Variants in VDAC1 observed in about 807,000 individuals in gnomAD.
VDAC1 encodes the protein voltage dependent anion channel 1.
In VDAC1, 10 loss-of-function variants were observed where a neutral mutation model predicts 34.7. The ratio of observed to expected loss-of-function variants is 0.29; its 90% CI spans 0.18 to 0.49. The LOEUF (loss-of-function observed/expected upper bound fraction) is 0.49, where lower values mean the gene tolerates loss of function less well. Among genes scored for constraint, VDAC1 ranks in the 20% least tolerant of loss-of-function variants. The pLI is 0.99. For missense variants in VDAC1, 230 were observed against 347.9 expected, an observed-to-expected ratio of 0.66 and a Z score of 2.69; for synonymous variants, 130 against 136.0, an observed-to-expected ratio of 0.96 and a Z score of 0.30.
At chr5:134,031,252 A>C in the VDAC1 span, among the ~76,000 whole-genome samples, 5 of 152,302 alleles carry the variant, frequency 3.3e-5, no homozygotes, top group Admixed American at 3.3e-4. Flanking sequence ...CATATATGGG[A>C]AAATGAAGAC....
the VDAC1 span, among the ~76,000 whole-genome samples, chr5:134,061,897 T>C: frequency 1.3e-5 from 2 of 151,882 alleles, no homozygotes; most frequent in Non-Finnish European, 2.9e-5. Context: ...TTGTTTGCTG[T>C]AGGTATTTAG....
chr5:134,038,254 G>C, the VDAC1 span, among the ~76,000 whole-genome samples: 1 of 152,224 alleles, frequency 6.6e-6, no homozygotes. Context: ...TTACAGCTAA[G>C]GCCTGAAAGA....
At chr5:134,084,036 A>G in the VDAC1 span, among the ~76,000 whole-genome samples, 17 of 152,254 alleles carry the variant, frequency 1.1e-4, no homozygotes, top group Non-Finnish European at 2.5e-4. Flanking sequence ...GGGGCAAATT[A>G]TGCTATCAGC....
chr5:134,061,422 A>G, the VDAC1 span, among the ~76,000 whole-genome samples: 138 of 151,712 alleles, frequency 9.1e-4, no homozygotes, highest in African/African-American at 3.3e-3. Flanking sequence ...CCCAGGCTGG[A>G]ATGCAATGGT....
chr5:133,979,212 T>C (rs868735775), intron 6 of VDAC1, among the ~76,000 whole-genome samples: 6 of 152,104 alleles, frequency 3.9e-5, no homozygotes, highest in Non-Finnish European at 8.8e-5. Context: ...CTCAGATATG[T>C]GGGGGAAATG....
chr5:134,065,301 G>A, the VDAC1 span, among the ~76,000 whole-genome samples: 6 of 149,338 alleles, frequency 4.0e-5, no homozygotes, highest in African/African-American at 1.5e-4. Context: ...CAAATATAAT[G>A]GGATTATTTT....
the VDAC1 span, among the ~76,000 whole-genome samples, chr5:134,037,509 G>C: frequency 2.0e-5 from 3 of 152,100 alleles, no homozygotes; most frequent in African/African-American, 7.2e-5. Flanking sequence ...ATTCTTTTCT[G>C]CTGACCCCAA....
the VDAC1 span, among the ~76,000 whole-genome samples, chr5:134,040,373 G>A: frequency 2.6e-5 from 4 of 152,184 alleles, no homozygotes; most frequent in South Asian, 4.1e-4. Flanking sequence ...TCAGGAGTTC[G>A]AAACCAGCCT....
the VDAC1 span, among the ~76,000 whole-genome samples, chr5:134,085,023 A>T: frequency 6.6e-6 from 1 of 152,152 alleles, no homozygotes; most frequent in Non-Finnish European, 1.5e-5. Context: ...CCTTGGGCAC[A>T]AGACAAAGTG....
chr5:134,080,277 G>A, the VDAC1 span, among the ~76,000 whole-genome samples: 1 of 152,230 alleles, frequency 6.6e-6, no homozygotes, highest in East Asian at 1.9e-4. Context: ...ACTATTTCTA[G>A]GCCCTTGGAC....
At chr5:134,064,930 G>C in the VDAC1 span, among the ~76,000 whole-genome samples, 2 of 151,962 alleles carry the variant, frequency 1.3e-5, no homozygotes, top group Non-Finnish European at 2.9e-5. Flanking sequence ...ATATTGCCCA[G>C]GTTGGTCTTG....
At chr5:134,094,562 C>T in the VDAC1 span, among the ~76,000 whole-genome samples, 2 of 151,982 alleles carry the variant, frequency 1.3e-5, no homozygotes, top group Non-Finnish European at 2.9e-5. Context: ...CCGAGCGTGG[C>T]GGCGGACGCC....
the VDAC1 span, among the ~76,000 whole-genome samples, chr5:134,096,698 A>T: frequency 2.0e-5 from 3 of 151,794 alleles, no homozygotes; most frequent in African/African-American, 7.3e-5. Flanking sequence ...AGCTCAAGTG[A>T]TCCTCCCACC....
chr5:133,995,219 G>T (rs1753252340), intron 1 of VDAC1, among the ~76,000 whole-genome samples: 1 of 152,168 alleles, frequency 6.6e-6, no homozygotes, highest in South Asian at 2.1e-4. Flanking sequence ...CCCCTCCTGG[G>T]GCCTCTAGGA....
chr5:134,094,714 A>G, the VDAC1 span, among the ~76,000 whole-genome samples: 1 of 151,598 alleles, frequency 6.6e-6, no homozygotes, highest in African/African-American at 2.4e-5. Flanking sequence ...AAAAAAAAAA[A>G]AAAAAAAGAC....
chr5:134,097,700 C>T, the VDAC1 span, among the ~76,000 whole-genome samples: 7 of 152,062 alleles, frequency 4.6e-5, no homozygotes, highest in Non-Finnish European at 1.0e-4. Context: ...CTGGACGTGG[C>T]GGGGAGAATA....
chr5:134,014,258 C>T, the VDAC1 span, among the ~76,000 whole-genome samples: 2 of 152,048 alleles, frequency 1.3e-5, no homozygotes, highest in Admixed American at 1.3e-4. Context: ...CCACCACACT[C>T]CAGCCTGGAT....
chr5:133,972,842 C>G lies in VDAC1; in HGVS notation c.781G>C (p.Ala261Pro). 1 of 1,613,778 alleles carries G rather than the reference C, an allele frequency of 6.2e-7. No individual in the cohort carries two copies. ...LKPGIKLTLS[A>P]LLDGKNVNAG... ...TTGACGTTCTTGCCATCCAGAAGAGCTGACAGTGTCAGTTTAATACCTGCA... is the reference window on the plus strand; with the variant it reads ...TTGACGTTCTTGCCATCCAGAAGAGGTGACAGTGTCAGTTTAATACCTGCA... Residue 261 changes from alanine (A) to proline (P), a missense_variant, in exon 9 of 9, where the codon GCT (alanine) becomes CCT (proline). Transcript: ENST00000265333.
chr5:134,077,835 C>T, the VDAC1 span, among the ~76,000 whole-genome samples: 6 of 152,208 alleles, frequency 3.9e-5, no homozygotes, highest in African/African-American at 1.4e-4. Context: ...CTGAGTGTTT[C>T]AGCCTTGGCC....
Sources: gnomAD v4.1 joint callset for allele counts (sites outside exome capture counted in the v4.1 genomes callset) on GRCh38, gnomAD v4.1.1 for gene constraint, MANE v1.5 for transcripts, NCBI Gene and HGNC (gene_info 2026-07-23, HGNC 2026-07-21) for gene names.